ZC3H15: variants seen among roughly 807,000 people sequenced by gnomAD.
ZC3H15 encodes the protein zinc finger CCCH domain-containing protein 15.
ZC3H15 carries 15 observed loss-of-function variants against 51.2 expected under a neutral mutation model. The observed-to-expected ratio is 0.29, with a 90% CI of 0.20 to 0.45. The LOEUF is 0.45. Ranked by LOEUF, ZC3H15 falls within the 20% of genes least tolerant of loss-of-function variation. The pLI is 1.00. For missense variants in ZC3H15, 381 were observed against 494.7 expected (o/e 0.77, Z 2.18); for synonymous variants, 144 against 162.8 (o/e 0.88, Z 0.88).
At chr2:186,486,479 A>C in intron 1 of ZC3H15, 22 bp downstream of exon 1, 2 of 1,520,708 alleles carry the variant, frequency 1.3e-6, no homozygotes, top group Admixed American at 2.1e-5. Flanking sequence ...CCCCTCCCCC[A>C]CTCACGCCGC....
At chr2:186,500,159 T>C (rs1348420895) in intron 2 of ZC3H15, 23 bp from the exon 3 acceptor site, 1 of 1,576,868 alleles carries the variant, frequency 6.3e-7, no homozygotes, top group Non-Finnish European at 8.6e-7. Flanking sequence ...CAAATTTACA[T>C]TTTAAACCTG....
intron 1 of ZC3H15, among the ~76,000 whole-genome samples, chr2:186,488,221 G>A (rs961865411): frequency 5.3e-5 from 8 of 151,988 alleles, no homozygotes; most frequent in African/African-American, 1.9e-4. Context: ...ACAGGTTCTA[G>A]ATGTATAGTT....
intron 1 of ZC3H15, among the ~76,000 whole-genome samples, chr2:186,491,774 A>G (rs1043533461): frequency 2.6e-5 from 4 of 152,140 alleles, no homozygotes; most frequent in Non-Finnish European, 4.4e-5. Flanking sequence ...AGAGGATTCA[A>G]TAAAGTATAT....
intron 1 of ZC3H15, chr2:186,489,207 G>C (rs1685156084): frequency 6.6e-6 from 1 of 152,186 alleles, no homozygotes; most frequent in African/African-American, 2.4e-5. Flanking sequence ...AAGTTTGTCA[G>C]ACTCATGTGC....
chr2:186,501,488 A>T (rs1363194315), intron 4 of ZC3H15, 63 bp downstream of exon 4: 3 of 1,345,194 alleles, frequency 2.2e-6, no homozygotes, highest in African/African-American at 2.9e-5. Context: ...TGCTACTAAG[A>T]TATTTATTAA....
rs939724737 is a variant in ZC3H15, at chr2:186,486,282, G to A, written c.-101G>A. 4 of 1,279,142 alleles carry A rather than the reference G, an allele frequency of 3.1e-6. No individual in the cohort carries two copies. Among genetic ancestry groups the A allele is most frequent in the Non-Finnish European group, 4.1e-6 (4 of 970,652 alleles). The allele number at this position is 1,279,142 out of a possible 1,614,324, so 79.2% of individuals were successfully genotyped here. On this transcript the variant is annotated 5_prime_UTR_variant, in exon 1 of 10. Coordinates refer to ENST00000337859, the MANE Select transcript of ZC3H15 (RefSeq NM_018471.3). ...AGCGACTCGCTTTCCGTGCGGTGCG[G>A]CGAGTGAGGCCCCGGTCTTCCTCCT...
intron 2 of ZC3H15, chr2:186,499,540 T>G (rs1252678619): frequency 2.2e-6 from 1 of 454,804 alleles, no homozygotes; most frequent in Non-Finnish European, 4.4e-6. Flanking sequence ...TGTTGACATG[T>G]CTGTCATCCT....
At chr2:186,503,206 T>C (rs1334148092) in intron 5 of ZC3H15, among the ~76,000 whole-genome samples, 1 of 152,206 alleles carries the variant, frequency 6.6e-6, no homozygotes, top group Non-Finnish European at 1.5e-5. Flanking sequence ...ATACTGTTTG[T>C]TAATTTTCTC....
chr2:186,498,199 T>C (rs1270796979), intron 2 of ZC3H15, among the ~76,000 whole-genome samples: 1 of 152,060 alleles, frequency 6.6e-6, no homozygotes, highest in Non-Finnish European at 1.5e-5. Flanking sequence ...TTTCCTTCCT[T>C]CTTGCACCTT....
chr2:186,505,311 AATAC>A, intron 6 of ZC3H15, 136 bp from the exon 7 acceptor site: 2 of 1,027,342 alleles, frequency 1.9e-6, no homozygotes, highest in Non-Finnish European at 1.3e-6. Flanking sequence ...AAAGTAAAAA[AATAC>A]ATAAATTAGC....
At chr2:186,486,636 A>T (rs919617761) in intron 1 of ZC3H15, among the ~76,000 whole-genome samples, 179 bp downstream of exon 1, 1 of 151,928 alleles carries the variant, frequency 6.6e-6, no homozygotes, top group African/African-American at 2.4e-5. Context: ...TACTATAGTG[A>T]CGCTGCTGGC....
intron 2 of ZC3H15, among the ~76,000 whole-genome samples, chr2:186,496,714 A>C (rs546285977): frequency 3.9e-5 from 6 of 152,332 alleles, no homozygotes; most frequent in South Asian, 4.1e-4. Flanking sequence ...CACCTAGGCT[A>C]TATGGTATAG....
chr2:186,500,478 C>T, intron 3 of ZC3H15, 185 bp downstream of exon 3: 1 of 654,362 alleles, frequency 1.5e-6, no homozygotes, highest in East Asian at 2.9e-5. Context: ...ACATCTGTGT[C>T]ATTGTACAGC....
At chr2:186,487,361 GTATTTCTTCCCTC>G (rs1685115864) in intron 1 of ZC3H15, 1 of 152,082 alleles carries the variant, frequency 6.6e-6, no homozygotes, top group East Asian at 1.9e-4. Flanking sequence ...CCCCAACGAG[GTATTTCTTCCCTC>G]GATTTCTGCT....
intron 1 of ZC3H15, among the ~76,000 whole-genome samples, chr2:186,491,949 T>G (rs1486191784): frequency 6.6e-6 from 1 of 150,928 alleles, no homozygotes; most frequent in African/African-American, 2.4e-5. Flanking sequence ...TGAAACCTGA[T>G]TTTTTTTTTC....
At chr2:186,499,113 G>C (rs1008477248) in intron 2 of ZC3H15, among the ~76,000 whole-genome samples, 1 of 152,068 alleles carries the variant, frequency 6.6e-6, no homozygotes, top group Non-Finnish European at 1.5e-5. Flanking sequence ...TGTTCAGTCA[G>C]TCCTATCAGC....
At chr2:186,497,263 T>C in intron 2 of ZC3H15, 1 of 311,018 alleles carries the variant, frequency 3.2e-6, no homozygotes, top group Non-Finnish European at 6.1e-6. Context: ...ATTTGTGAGA[T>C]AAGTAAATTT....
chr2:186,508,448 A>T, intron 9 of ZC3H15, 95 bp from the exon 10 acceptor site: 6 of 1,076,244 alleles, frequency 5.6e-6, no homozygotes, highest in Non-Finnish European at 8.1e-6. Flanking sequence ...AGAAAAGGAA[A>T]AGAGGAAGTG....
rs977146403 is a variant in ZC3H15, at chr2:186,500,209, T to C, written c.205T>C (p.Leu69=). ...AGCACAGAGTGAAGCTGAAAAGAAATTGAAGAAGGATGACAAGAAGAAAGA... is the reference window on the plus strand; with the variant it reads ...AGCACAGAGTGAAGCTGAAAAGAAACTGAAGAAGGATGACAAGAAGAAAGA... ...QVAQSEAEKK[L]KKDDKKKELQ... is the part of the protein sequence containing the mutation. Residue 69 remains leucine, a synonymous_variant, in exon 3 of 10, where the codon TTG becomes CTG. Transcript: ENST00000337859. 8 of 1,613,324 alleles carry C rather than the reference T, an allele frequency of 5.0e-6. No individual in the cohort carries two copies. Among genetic ancestry groups the C allele is most frequent in the Non-Finnish European group, 6.8e-6 (8 of 1,179,798 alleles).
Sources: allele counts gnomAD v4.1 joint callset (sites outside exome capture counted in the v4.1 genomes callset), GRCh38; gene constraint gnomAD v4.1.1; transcripts MANE v1.5; gene names NCBI Gene and HGNC (gene_info 2026-07-23, HGNC 2026-07-21).